CDK14: variants seen among roughly 807,000 people sequenced by gnomAD.
CDK14 encodes cyclin dependent kinase 14, also known as cyclin-dependent kinase 14.
Under a neutral mutation model 60.7 loss-of-function variants are expected in CDK14, and 34 were observed. The ratio of observed to expected loss-of-function variants is 0.56; its 90% confidence interval spans 0.43 to 0.75. The LOEUF (loss-of-function observed/expected upper bound fraction) is 0.75. Ranked by LOEUF, CDK14 falls within the 30% of genes least tolerant of loss-of-function variation. The probability of loss-of-function intolerance (pLI) is 0.00; values close to 1 mark genes in which losing one functional copy is unlikely to be tolerated. For missense variants in CDK14, 482 were observed against 564.1 expected, an observed-to-expected ratio of 0.85 and a Z score of 1.47; for synonymous variants, 197 against 203.7, an observed-to-expected ratio of 0.97 and a Z score of 0.28.
At chr7:90,983,515 T>C (rs1795291667) in intron 9 of CDK14, among the ~76,000 whole-genome samples, 1 of 151,844 alleles carries the variant, frequency 6.6e-6, no homozygotes, top group African/African-American at 2.4e-5. Flanking sequence ...CCGTCTCTAC[T>C]AAAAATACAA....
intron 6 of CDK14, among the ~76,000 whole-genome samples, chr7:90,863,875 C>T (rs948747357): frequency 7.2e-5 from 11 of 152,048 alleles, no homozygotes; most frequent in African/African-American, 2.7e-4. Context: ...TAATTCTTCT[C>T]CATTTCTCTT....
chr7:90,667,572 G>A (rs1373430360), intron 2 of CDK14, among the ~76,000 whole-genome samples: 2 of 150,252 alleles, frequency 1.3e-5, no homozygotes, highest in Admixed American at 6.6e-5. Flanking sequence ...GCATGTATCC[G>A]TACTTTTTTT....
At chr7:90,675,317 A>G (rs1047891799) in intron 2 of CDK14, among the ~76,000 whole-genome samples, 2 of 152,126 alleles carry the variant, frequency 1.3e-5, no homozygotes, top group African/African-American at 4.8e-5. Flanking sequence ...TAACTGGTAT[A>G]GTCTGGCCTT....
At chr7:90,688,401 T>A (rs1360441122) in intron 2 of CDK14, among the ~76,000 whole-genome samples, 1 of 152,214 alleles carries the variant, frequency 6.6e-6, no homozygotes, top group East Asian at 1.9e-4. Flanking sequence ...CTTGATGATT[T>A]AATCTTTTTC....
intron 10 of CDK14, among the ~76,000 whole-genome samples, chr7:91,008,813 A>C (rs1362854858): frequency 6.6e-6 from 1 of 152,056 alleles, no homozygotes; most frequent in Non-Finnish European, 1.5e-5. Flanking sequence ...TTAAATTTTT[A>C]CCTCTTTATG....
chr7:90,774,276 C>T (rs1295879824), intron 4 of CDK14, among the ~76,000 whole-genome samples: 4 of 152,152 alleles, frequency 2.6e-5, no homozygotes, highest in African/African-American at 9.7e-5. Flanking sequence ...TTTAGCTCTT[C>T]AGTTATATAT....
intron 6 of CDK14, among the ~76,000 whole-genome samples, chr7:90,896,816 G>A (rs1442981280): frequency 2.0e-5 from 3 of 152,116 alleles, no homozygotes; most frequent in Non-Finnish European, 4.4e-5. Flanking sequence ...AATATACTCT[G>A]ATGTTAATTT....
At chr7:90,650,383 A>G (rs778735207) in intron 2 of CDK14, among the ~76,000 whole-genome samples, 3 of 152,152 alleles carry the variant, frequency 2.0e-5, no homozygotes, top group Non-Finnish European at 4.4e-5. Flanking sequence ...GGTAGATTGC[A>G]AAATTTTTCT....
intron 2 of CDK14, among the ~76,000 whole-genome samples, chr7:90,699,337 A>G (rs1413278865): frequency 6.6e-6 from 1 of 152,216 alleles, no homozygotes; most frequent in East Asian, 1.9e-4. Context: ...TCACACTTAA[A>G]CATACATTAT....
intron 11 of CDK14, among the ~76,000 whole-genome samples, chr7:91,073,539 T>C (rs1443801841): frequency 6.6e-6 from 1 of 152,100 alleles, no homozygotes; most frequent in Non-Finnish European, 1.5e-5. Flanking sequence ...TAGTAGCCAC[T>C]GCAAAAAACA....
chr7:91,159,719 C>A (rs1168308668), intron 14 of CDK14, among the ~76,000 whole-genome samples: 1 of 152,162 alleles, frequency 6.6e-6, no homozygotes, highest in Non-Finnish European at 1.5e-5. Flanking sequence ...TTGTGCATGA[C>A]AACCAAGAGT....
At chr7:90,720,698 C>G (rs1271081323) in intron 2 of CDK14, among the ~76,000 whole-genome samples, 2 of 152,020 alleles carry the variant, frequency 1.3e-5, no homozygotes, top group Admixed American at 6.6e-5. Context: ...TTTATGTAAT[C>G]TTATTATTAT....
intron 2 of CDK14, among the ~76,000 whole-genome samples, chr7:90,649,784 G>A (rs570478282): frequency 5.3e-5 from 8 of 152,064 alleles, no homozygotes; most frequent in South Asian, 4.2e-4. Context: ...TGCAAAGGAC[G>A]TGAACTCATC....
At chr7:90,934,627 C>T (rs1435725144) in intron 8 of CDK14, among the ~76,000 whole-genome samples, 2 of 152,142 alleles carry the variant, frequency 1.3e-5, no homozygotes, top group South Asian at 2.1e-4. Flanking sequence ...CTTAAATGGA[C>T]AGTTGTGTTT....
chr7:90,887,551 A>G (rs1443257999), intron 6 of CDK14, among the ~76,000 whole-genome samples: 1 of 152,200 alleles, frequency 6.6e-6, no homozygotes, highest in African/African-American at 2.4e-5. Flanking sequence ...TTCGTAACAT[A>G]AATTTATTTT....
chr7:90,848,950 T>A (rs1359885079), intron 5 of CDK14, among the ~76,000 whole-genome samples: 1 of 152,242 alleles, frequency 6.6e-6, no homozygotes, highest in Non-Finnish European at 1.5e-5. Context: ...TTCTCCTTCT[T>A]GTCCCTTTTC....
At chr7:90,784,717 T>C (rs1294096789) in intron 4 of CDK14, among the ~76,000 whole-genome samples, 1 of 152,204 alleles carries the variant, frequency 6.6e-6, no homozygotes, top group Non-Finnish European at 1.5e-5. Context: ...GTTAGCACTT[T>C]TAGGATATTC....
chr7:91,139,838 C>T lies in CDK14; in HGVS notation c.*28+21630C>T, dbSNP rs535289425. On this transcript the variant is annotated intron_variant, in intron 14 of 14. Coordinates refer to ENST00000380050, the MANE Select transcript of CDK14 (RefSeq NM_001287135.2). Reference sequence around the variant, plus strand: ...TCTTTTCTTTTCTTTCTTGCTCTTCCTTTCTTCCTTTTTTTCTCTTTATTT... The same window carrying T: ...TCTTTTCTTTTCTTTCTTGCTCTTCTTTTCTTCCTTTTTTTCTCTTTATTT... Among the ~76,000 whole-genome samples, 4 of 112,350 alleles carry T rather than the reference C, an allele frequency of 3.6e-5. No individual in the cohort carries two copies. The South Asian group carries it at 8.3e-4, about 23-fold the overall frequency. The allele number at this position is 112,350 out of a possible 152,430, so 73.7% of individuals were successfully genotyped here.
intron 2 of CDK14, among the ~76,000 whole-genome samples, chr7:90,703,872 G>A (rs984691347): frequency 6.6e-6 from 1 of 152,152 alleles, no homozygotes; most frequent in Non-Finnish European, 1.5e-5. Flanking sequence ...GATCACTTGA[G>A]CCCAAGAGTT....
Sources: allele counts gnomAD v4.1 joint callset (sites outside exome capture counted in the v4.1 genomes callset), GRCh38; gene constraint gnomAD v4.1.1; transcripts MANE v1.5; gene names NCBI Gene and HGNC (gene_info 2026-07-23, HGNC 2026-07-21).